Variants in PCCA observed in about 807,000 individuals in gnomAD.
PCCA encodes propionyl-CoA carboxylase subunit alpha, also known as propionyl-CoA carboxylase alpha chain, mitochondrial.
In PCCA, 74 loss-of-function variants were observed where a neutral mutation model predicts 101.3. The observed-to-expected ratio is 0.73, with a 90% CI of 0.61 to 0.89. The LOEUF (loss-of-function observed/expected upper bound fraction) is 0.89, where lower values mean the gene tolerates loss of function less well. PCCA is among the 40% of genes least tolerant of loss of function. PCCA has a pLI of 0.00. For missense variants in PCCA, 891 were observed against 907.0 expected, an observed-to-expected ratio of 0.98 and a Z score of 0.23; for synonymous variants, 294 against 313.6, an observed-to-expected ratio of 0.94 and a Z score of 0.66.
rs376456569 is a variant in PCCA, at chr13:100,237,942, T to TCTTTCTTTCTTTC, written c.637+2064_637+2065insCTTTCTTTCTTTC. Among the ~76,000 whole-genome samples the TCTTTCTTTCTTTC allele has an allele frequency of 6.8e-5, 10 of 146,548 alleles. No homozygotes were observed. The East Asian group carries it at 7.8e-4, about 11-fold the overall frequency. On this transcript the variant is annotated intron_variant, in intron 8 of 23. Coordinates refer to ENST00000376285, the MANE Select transcript of PCCA (RefSeq NM_000282.4). ...CACTTTCTTTCTTTCTTTCTTTCTT[T>TCTTTCTTTCTTTC]TTTTTTTTTTTTGAGACAGACTTTT...
intron 6 of PCCA, among the ~76,000 whole-genome samples, chr13:100,191,010 T>C (rs2057704223): frequency 6.6e-6 from 1 of 152,012 alleles, no homozygotes; most frequent in Non-Finnish European, 1.5e-5. Flanking sequence ...TGTGGGAGGA[T>C]GGCTTGAGCC....
intron 21 of PCCA, among the ~76,000 whole-genome samples, chr13:100,506,422 T>C (rs1446639060): frequency 6.6e-6 from 1 of 152,162 alleles, no homozygotes; most frequent in African/African-American, 2.4e-5. Context: ...TGCTTTCTGC[T>C]TCAGTTTTCT....
At chr13:100,244,686 C>T (rs769312115) in intron 8 of PCCA, among the ~76,000 whole-genome samples, 7 of 151,478 alleles carry the variant, frequency 4.6e-5, no homozygotes, top group Non-Finnish European at 7.4e-5. Context: ...CACTGATTTC[C>T]GATCCCTGGA....
At chr13:100,474,011 A>G (rs1418002332) in intron 21 of PCCA, among the ~76,000 whole-genome samples, 1 of 152,140 alleles carries the variant, frequency 6.6e-6, no homozygotes, top group Non-Finnish European at 1.5e-5. Context: ...ATTCTAAGGG[A>G]ATTTTGATGA....
chr13:100,201,793 G>T (rs1016243020), intron 6 of PCCA, among the ~76,000 whole-genome samples: 26 of 142,800 alleles, frequency 1.8e-4, no homozygotes, highest in Non-Finnish European at 2.4e-4. Context: ...GGAGCTGGAG[G>T]TTGCAGTGAG....
intron 12 of PCCA, among the ~76,000 whole-genome samples, chr13:100,279,913 G>A (rs946079576): frequency 6.6e-6 from 1 of 151,950 alleles, no homozygotes; most frequent in Non-Finnish European, 1.5e-5. Flanking sequence ...TTGAACTAGA[G>A]GGCTATAATT....
chr13:100,290,238 G>A (rs998973985), intron 12 of PCCA, among the ~76,000 whole-genome samples: 1 of 151,472 alleles, frequency 6.6e-6, no homozygotes, highest in Non-Finnish European at 1.5e-5. Context: ...TTGAGACAGG[G>A]CCTCATCCTG....
chr13:100,190,399 G>A lies in PCCA; in HGVS notation c.469-18933G>A, dbSNP rs374467705. 1.0e-3 allele frequency among the ~76,000 whole-genome samples: 152 copies of A among 152,286 alleles called. 4 individuals are homozygous for A. The South Asian group carries it at 0.028, about 28-fold the overall frequency. ...AACTGAGCCTTTAAAACCAAAAAGC[G>A]TGGCTGGGCGTGGTGGCTCACGCAT... On this transcript the variant is annotated intron_variant, in intron 6 of 23. Transcript: ENST00000376285.
At chr13:100,458,577 G>A (rs908637261) in intron 21 of PCCA, among the ~76,000 whole-genome samples, 1 of 152,106 alleles carries the variant, frequency 6.6e-6, no homozygotes, top group African/African-American at 2.4e-5. Context: ...CAAGGCTATA[G>A]TGAGGTATGA....
In PCCA at chr13:100,457,882, G is replaced by A. The variant is rs963654310; in HGVS notation, c.1899+8577G>A. Among the ~76,000 whole-genome samples the A allele has an allele frequency of 3.3e-5, 5 of 152,132 alleles. No individual in the cohort carries two copies. In the South Asian group the frequency reaches 6.2e-4, roughly 19 times the overall value. On this transcript the variant is annotated intron_variant, in intron 21 of 23. Transcript: ENST00000376285. ...GCCCCCCTTGGAGGTTGTGTGTGAC[G>A]CTGATGCTCCTGTCAGCATGAGTTC...
At chr13:100,267,497 G>C (rs895022197) in intron 10 of PCCA, among the ~76,000 whole-genome samples, 8 of 152,042 alleles carry the variant, frequency 5.3e-5, no homozygotes, top group South Asian at 4.1e-4. Flanking sequence ...CAAATATTAA[G>C]ATTGATATTA....
At chr13:100,411,100 T>A (rs1038877090) in intron 19 of PCCA, among the ~76,000 whole-genome samples, 2 of 152,196 alleles carry the variant, frequency 1.3e-5, no homozygotes, top group East Asian at 1.9e-4. Flanking sequence ...ATTTTTTTTT[T>A]AATCAGTAGA....
chr13:100,155,881 TAGATGTTTAC>T (rs2053833210), intron 5 of PCCA, among the ~76,000 whole-genome samples: 1 of 152,240 alleles, frequency 6.6e-6, no homozygotes, highest in African/African-American at 2.4e-5. Context: ...ACCCATATTA[TAGATGTTTAC>T]AGTTTATTAG....
At chr13:100,495,035 A>C (rs778677967) in intron 21 of PCCA, among the ~76,000 whole-genome samples, 3 of 151,814 alleles carry the variant, frequency 2.0e-5, no homozygotes, top group Non-Finnish European at 2.9e-5. Flanking sequence ...GCGATTCTCA[A>C]CCGGGGCAGT....
chr13:100,279,385 G>T (rs879939748), intron 12 of PCCA, among the ~76,000 whole-genome samples: 21 of 152,150 alleles, frequency 1.4e-4, no homozygotes, highest in Non-Finnish European at 2.6e-4. Flanking sequence ...ATAATTAAAT[G>T]GGAGCATGAA....
intron 6 of PCCA, among the ~76,000 whole-genome samples, chr13:100,191,718 C>T (rs1763352665): frequency 6.6e-6 from 1 of 152,180 alleles, no homozygotes; most frequent in African/African-American, 2.4e-5. Flanking sequence ...CAGTTGGTGT[C>T]AGTCATATTT....
chr13:100,342,789 A>ATATC (rs111637373), intron 18 of PCCA, among the ~76,000 whole-genome samples: 2 of 150,634 alleles, frequency 1.3e-5, no homozygotes, highest in African/African-American at 4.9e-5. Context: ...TGGCACAGTC[A>ATATC]TAACTCCCTG....
At chr13:100,106,690 T>C (rs1289951368) in intron 2 of PCCA, among the ~76,000 whole-genome samples, 2 of 152,104 alleles carry the variant, frequency 1.3e-5, no homozygotes, top group Non-Finnish European at 2.9e-5. Flanking sequence ...GCTGGCATTG[T>C]AGGCATGAGC....
rs151259507 is a variant in PCCA, at chr13:100,251,163, A to G, written c.638-6432A>G. ...AAGTATTATGATAACTGAGATAAAG[A>G]AAAGTGAATAGATTTGATCTTTTTA... On this transcript the variant is annotated intron_variant, in intron 8 of 23. Coordinates refer to ENST00000376285, the MANE Select transcript of PCCA (RefSeq NM_000282.4). 4.6e-5 allele frequency among the ~76,000 whole-genome samples: 7 copies of G among 152,322 alleles called. No homozygotes were observed. The East Asian group carries it at 1.3e-3, about 29-fold the overall frequency.
Sources: allele counts gnomAD v4.1 joint callset (sites outside exome capture counted in the v4.1 genomes callset), GRCh38; gene constraint gnomAD v4.1.1; transcripts MANE v1.5; gene names NCBI Gene and HGNC (gene_info 2026-07-23, HGNC 2026-07-21).